The following PCSK2 variants were observed in gnomAD, a reference collection of about 807,000 sequenced individuals.
The protein encoded by PCSK2 is neuroendocrine convertase 2.
Under a neutral mutation model 69.7 loss-of-function variants are expected in PCSK2, and 14 were observed. The observed-to-expected ratio is 0.20, with a 90% confidence interval of 0.13 to 0.31. The LOEUF is 0.31. Ranked by LOEUF, PCSK2 falls within the 10% of genes least tolerant of loss-of-function variation. The pLI is 1.00. For synonymous variants in PCSK2, 307 were observed against 320.7 expected, an observed-to-expected ratio of 0.96 and a Z score of 0.46; for missense variants, 544 against 842.5, an observed-to-expected ratio of 0.65 and a Z score of 4.39.
At chr20:17,382,242 G>C (rs1470346604) in intron 5 of PCSK2, among the ~76,000 whole-genome samples, 1 of 152,152 alleles carries the variant, frequency 6.6e-6, no homozygotes, top group Non-Finnish European at 1.5e-5. Flanking sequence ...TTAGTTCCCA[G>C]AATTTGTTGA....
chr20:17,480,139 T>C (rs1052647712), intron 11 of PCSK2, among the ~76,000 whole-genome samples: 3 of 151,310 alleles, frequency 2.0e-5, no homozygotes, highest in African/African-American at 4.9e-5. Flanking sequence ...TGATCATTCA[T>C]TGGACTGCCT....
intron 6 of PCSK2, among the ~76,000 whole-genome samples, chr20:17,428,801 C>G (rs543673508): frequency 6.6e-6 from 1 of 151,574 alleles, no homozygotes; most frequent in Non-Finnish European, 1.5e-5. Flanking sequence ...GAGTTTGAGA[C>G]CAGCCTGGGC....
At chr20:17,332,385 C>A (rs1288732653) in intron 2 of PCSK2, among the ~76,000 whole-genome samples, 1 of 152,108 alleles carries the variant, frequency 6.6e-6, no homozygotes, top group Non-Finnish European at 1.5e-5. Flanking sequence ...TGGGAGGATT[C>A]TGACAAGTAG....
chr20:17,427,158 T>G (rs1296878895), intron 6 of PCSK2, among the ~76,000 whole-genome samples: 1 of 152,192 alleles, frequency 6.6e-6, no homozygotes, highest in African/African-American at 2.4e-5. Context: ...GAGGATTTAA[T>G]AGGATAATAC....
Position 17,453,789 on chromosome 20 carries a change from C to G in PCSK2, c.933C>G (p.Gly311=). The G allele has an allele frequency of 6.2e-7, 1 of 1,613,878 alleles. No homozygotes were observed. Among genetic ancestry groups the G allele is most frequent in the Non-Finnish European group, 8.5e-7 (1 of 1,179,824 alleles). The stretch of plus-strand genomic sequence containing the variant: ...TCTACGTGTGGGCCTCCGGGGACGG[C>G]GGCAGCTATGACGACTGCAACTGCG... ...GSIYVWASGD[G]GSYDDCNCDG... is the part of the protein sequence containing the mutation. The change falls in exon 9 of 12, where the codon GGC becomes GGG. Residue 311 remains glycine, a synonymous_variant. Transcript: ENST00000262545. This position sits in a 1 kb window ranked among gnomAD's most constrained non-coding sequence, Gnocchi z 4.0.
intron 2 of PCSK2, among the ~76,000 whole-genome samples, chr20:17,261,603 G>A (rs1288927486): frequency 2.0e-5 from 3 of 152,184 alleles, no homozygotes; most frequent in African/African-American, 7.2e-5. Flanking sequence ...ATCTGTCATA[G>A]AAGCCGGCAC....
rs567748554 is a variant in PCSK2 at position 17,338,744 on chromosome 20, GACAGGACTGGGA to G, written c.283-19582_283-19571del. ...GGAGAGGGATGGTACTAGGAGATGA[GACAGGACTGGGA>G]CCTTCCTAGAGCTCTGGGTGCTATT... is the stretch of plus-strand genomic sequence containing the variant. On this transcript the variant is annotated intron_variant, in intron 2 of 11. Coordinates refer to ENST00000262545, the MANE Select transcript of PCSK2 (RefSeq NM_002594.5). 3.1e-4 allele frequency among the ~76,000 whole-genome samples: 47 copies of G among 152,248 alleles called. No homozygotes were observed. The East Asian group carries it at 7.0e-3, about 23-fold the overall frequency.
intron 5 of PCSK2, among the ~76,000 whole-genome samples, chr20:17,394,866 A>T (rs73257678): frequency 6.6e-6 from 1 of 152,348 alleles, no homozygotes; most frequent in South Asian, 2.1e-4. Flanking sequence ...ATGCTGTCCA[A>T]GTTTTTTGGC....
chr20:17,268,021 T>C (rs1421959440), intron 2 of PCSK2, among the ~76,000 whole-genome samples: 1 of 99,882 alleles, frequency 1.0e-5, no homozygotes, highest in African/African-American at 3.4e-5. Context: ...AATGCATTTA[T>C]ATATCCAATG....
chr20:17,481,542 C>T, intron 11 of PCSK2, 42 bp from the exon 12 acceptor site: 2 of 1,586,254 alleles, frequency 1.3e-6, no homozygotes, highest in South Asian at 1.2e-5. Flanking sequence ...GTAAGGTGCA[C>T]CCACCACTGC....
intron 11 of PCSK2, among the ~76,000 whole-genome samples, chr20:17,478,523 C>G (rs1386561751): frequency 1.3e-5 from 2 of 152,142 alleles, no homozygotes; most frequent in Non-Finnish European, 2.9e-5. Flanking sequence ...AATCGATTTA[C>G]TAATCCTCAG....
intron 2 of PCSK2, among the ~76,000 whole-genome samples, chr20:17,275,208 A>T (rs1988022872): frequency 1.3e-5 from 2 of 151,870 alleles, no homozygotes; most frequent in Admixed American, 1.3e-4. Context: ...ATTTGAAAAG[A>T]TCTAAAAGAA....
chr20:17,456,200 C>CAA (rs925786402), intron 9 of PCSK2, 148 bp from the exon 10 acceptor site: 1 of 581,266 alleles, frequency 1.7e-6, no homozygotes, highest in Non-Finnish European at 3.1e-6. Flanking sequence ...AAGATCATGC[C>CAA]ACTGCACTCC....
chr20:17,300,164 T>C (rs1359329680), intron 2 of PCSK2, among the ~76,000 whole-genome samples: 1 of 152,204 alleles, frequency 6.6e-6, no homozygotes, highest in Non-Finnish European at 1.5e-5. Context: ...CCAGCCTGAC[T>C]CCCACCCCTT....
intron 8 of PCSK2, among the ~76,000 whole-genome samples, chr20:17,451,750 A>T (rs2032826535): frequency 6.6e-6 from 1 of 152,096 alleles, no homozygotes; most frequent in Non-Finnish European, 1.5e-5. Flanking sequence ...TCAATCTACC[A>T]CACTCCCCAC....
At chr20:17,281,173 G>A (rs530500327) in intron 2 of PCSK2, among the ~76,000 whole-genome samples, 6 of 152,172 alleles carry the variant, frequency 3.9e-5, no homozygotes, top group African/African-American at 7.2e-5. Context: ...TACCATCCAC[G>A]TTGACTACCC....
Position 17,484,225 on chromosome 20 carries a change from T to A in PCSK2, c.*2155T>A, listed in dbSNP as rs941490480. ...TGTCCATATTTTCACAGGTGTGGTG[T>A]AATTTATAAAATTAGAAAGCAACTT... On this transcript the variant is annotated 3_prime_UTR_variant, in exon 12 of 12. Coordinates refer to ENST00000262545, the MANE Select transcript of PCSK2 (RefSeq NM_002594.5). 6 of 152,426 alleles carry A rather than the reference T, an allele frequency of 3.9e-5. No homozygotes were observed. The highest frequency in any genetic ancestry group is 1.4e-4 in the African/African-American group (6 of 41,442). The allele number at this position is 152,426 out of a possible 1,614,324, so 9.4% of individuals were successfully genotyped here.
rs148988661 is a variant in PCSK2, at chr20:17,338,447, G to A, written c.283-19880G>A. 3.0e-3 allele frequency among the ~76,000 whole-genome samples: 459 copies of A among 151,966 alleles called. 1 individual carries two copies. Among genetic ancestry groups the A allele is most frequent in the African/African-American group, 0.011 (439 of 41,444 alleles). On this transcript the variant is annotated intron_variant, in intron 2 of 11. Transcript: ENST00000262545. ...CCTGACCTTTTGATCCACCCATGTC[G>A]GCCTCCCAAAGTGCTGAGATTACCA...
intron 1 of PCSK2, among the ~76,000 whole-genome samples, chr20:17,245,562 G>A (rs191436657): frequency 6.6e-6 from 1 of 152,202 alleles, no homozygotes; most frequent in East Asian, 1.9e-4. Flanking sequence ...TTCTATAGCT[G>A]CTCCAAAGAG....
Sources: allele counts gnomAD v4.1 joint callset (sites outside exome capture counted in the v4.1 genomes callset), GRCh38; gene constraint gnomAD v4.1.1; non-coding constraint Gnocchi (gnomAD v3.1); transcripts MANE v1.5; gene names NCBI Gene and HGNC (gene_info 2026-07-23, HGNC 2026-07-21).